SEC62: variants seen among roughly 807,000 people sequenced by gnomAD.
SEC62 encodes translocation protein SEC62.
Under a neutral mutation model 47.5 loss-of-function variants are expected in SEC62, and 10 were observed. The observed-to-expected ratio is 0.21, with a 90% confidence interval of 0.13 to 0.36. The LOEUF is 0.36. SEC62 is among the 10% of genes least tolerant of loss of function. The pLI is 1.00. For missense variants in SEC62, 327 were observed against 464.1 expected (o/e 0.70, Z 2.71); for synonymous variants, 136 against 150.5 (o/e 0.90, Z 0.71).
intron 6 of SEC62, among the ~76,000 whole-genome samples, chr3:169,987,115 G>T (rs1576863306): frequency 6.6e-6 from 1 of 151,986 alleles, no homozygotes; most frequent in East Asian, 1.9e-4. Flanking sequence ...AATATGGTAT[G>T]ATAGGATCCC....
intron 7 of SEC62, among the ~76,000 whole-genome samples, chr3:169,990,268 A>AT (rs897352066): frequency 3.5e-4 from 51 of 147,660 alleles, no homozygotes; most frequent in African/African-American, 9.1e-4. Flanking sequence ...TGCCTAGCTA[A>AT]TTTTTTTTTT....
intron 5 of SEC62, chr3:169,985,052 A>G (rs530530036): frequency 9.9e-5 from 15 of 152,018 alleles, no homozygotes; most frequent in Admixed American, 3.3e-4. Flanking sequence ...ATGATCTTTA[A>G]TAATTGATCT....
chr3:169,998,248 A>G lies in SEC62; in HGVS notation c.*5185A>G, dbSNP rs114388571. The G allele has an allele frequency of 1.9e-3, 285 of 152,356 alleles. 1 individual carries two copies. Among genetic ancestry groups the G allele is most frequent in the African/African-American group, 6.7e-3 (277 of 41,592 alleles). 9.4% of individuals were successfully genotyped at this position (152,356 alleles called of 1,614,324 possible). ...TATTCAAAGGCCAATGATACTTCGCATAATTCAATTTTAATATTATTCACA... is the reference window on the plus strand; with the variant it reads ...TATTCAAAGGCCAATGATACTTCGCGTAATTCAATTTTAATATTATTCACA... On this transcript the variant is annotated 3_prime_UTR_variant, in exon 8 of 8. Transcript: ENST00000337002.
At chr3:169,976,377 A>G (rs2108281896) in intron 2 of SEC62, among the ~76,000 whole-genome samples, 1 of 152,120 alleles carries the variant, frequency 6.6e-6, no homozygotes, top group East Asian at 1.9e-4. Flanking sequence ...CTTAGAAGAA[A>G]AAAAAAACTA....
At chr3:169,988,459 G>T (rs951937270) in intron 7 of SEC62, 100 bp downstream of exon 7, 1 of 1,311,106 alleles carries the variant, frequency 7.6e-7, no homozygotes, top group African/African-American at 1.5e-5. Context: ...ATTAATGGAG[G>T]TAAATCAAGA....
At chr3:169,990,310 G>T in intron 7 of SEC62, among the ~76,000 whole-genome samples, 1 of 151,466 alleles carries the variant, frequency 6.6e-6, no homozygotes, top group East Asian at 1.9e-4. Context: ...TTATGTATTG[G>T]TCACAATTAT....
chr3:169,967,630 A>G lies in SEC62; in HGVS notation c.36+772A>G, dbSNP rs531522399. Reference sequence around the variant, plus strand: ...AATTCCACATGCGTGTCATTTGTGCATTTCTTCCTTGCGATTTTCCCTGGT... The same window carrying G: ...AATTCCACATGCGTGTCATTTGTGCGTTTCTTCCTTGCGATTTTCCCTGGT... On this transcript the variant is annotated intron_variant, in intron 1 of 7. Coordinates refer to ENST00000337002, the MANE Select transcript of SEC62 (RefSeq NM_003262.4). 5.3e-5 allele frequency among the ~76,000 whole-genome samples: 8 copies of G among 152,156 alleles called. No individual in the cohort carries two copies. In the East Asian group the frequency reaches 1.5e-3, roughly 29 times the overall value.
Position 169,988,297 on chromosome 3 carries a change from G to C in SEC62, c.668G>C (p.Gly223Ala). 1 of 1,613,912 alleles carries C rather than the reference G, an allele frequency of 6.2e-7. No individual in the cohort carries two copies. Among genetic ancestry groups the C allele is most frequent in the Non-Finnish European group, 8.5e-7 (1 of 1,179,880 alleles). ...FPLWPAEMRV[G>A]VYYLSVGAGC... ...CTTTGGCCAGCAGAAATGAGAGTAGGTGTTTATTACCTCAGTGTGGGTGCA... is the reference window on the plus strand; with the variant it reads ...CTTTGGCCAGCAGAAATGAGAGTAGCTGTTTATTACCTCAGTGTGGGTGCA... The change falls in exon 7 of 8, where the codon GGT becomes GCT. Residue 223 changes from glycine to alanine, a missense_variant. This residue lies in a region of SEC62 where 99 missense variants were observed against 194.0 expected (regional missense o/e 0.51). Transcript: ENST00000337002.
chr3:169,976,813 A>G (rs1380092156), intron 2 of SEC62, 133 bp from the exon 3 acceptor site: 6 of 496,212 alleles, frequency 1.2e-5, no homozygotes, highest in Non-Finnish European at 2.1e-5. Context: ...TGATCATGTT[A>G]GATTTAGTTT....
intron 3 of SEC62, among the ~76,000 whole-genome samples, chr3:169,978,076 G>A (rs964349893): frequency 1.3e-5 from 2 of 152,048 alleles, no homozygotes; most frequent in Non-Finnish European, 1.5e-5. Flanking sequence ...TCAGGAGATC[G>A]AGACCATTCT....
rs1715289982 is a variant in SEC62, at chr3:169,993,240, T to A, written c.*177T>A. 3 of 580,744 alleles carry A rather than the reference T, an allele frequency of 5.2e-6. No homozygotes were observed. The highest frequency in any genetic ancestry group is 9.1e-6 in the Non-Finnish European group (3 of 331,184). The allele number at this position is 580,744 out of a possible 1,614,324, so 36.0% of individuals were successfully genotyped here. A position where few individuals can be genotyped will look rare whatever the true frequency, so the allele number is the denominator to read the frequency against. On this transcript the variant is annotated 3_prime_UTR_variant, in exon 8 of 8. Coordinates refer to ENST00000337002, the MANE Select transcript of SEC62 (RefSeq NM_003262.4). ...ATTTTATAGAATATTGGCACTATTA[T>A]TGGTACAGTTTAAAGCCATTAATAT...
chr3:169,977,115 C>T, intron 3 of SEC62, 64 bp downstream of exon 3: 2 of 1,050,094 alleles, frequency 1.9e-6, no homozygotes, highest in African/African-American at 1.6e-5. Context: ...AGTCCTGAAG[C>T]TCCTTACATC....
intron 3 of SEC62, among the ~76,000 whole-genome samples, chr3:169,977,631 T>G (rs61255123): frequency 0.011 from 1,651 of 152,310 alleles, 27 homozygotes; most frequent in African/African-American, 0.037. Context: ...ACTTTTGATG[T>G]TAAGTGGTTT....
rs1181325211 is a variant in SEC62 at position 169,994,901 on chromosome 3, G to T, written c.*1838G>T. The T allele has an allele frequency of 6.6e-6, 1 of 152,128 alleles. No homozygotes were observed. The highest frequency in any genetic ancestry group is 1.9e-4 in the East Asian group (1 of 5,200). The allele number at this position is 152,128 out of a possible 1,614,324, so 9.4% of individuals were successfully genotyped here. The stretch of plus-strand genomic sequence containing the variant: ...TGGAGCATGGCCAACAGGAAGGTCA[G>T]CTTCTTACTGATGTGTGTGGATTCT... On this transcript the variant is annotated 3_prime_UTR_variant, in exon 8 of 8. Coordinates refer to ENST00000337002, the MANE Select transcript of SEC62 (RefSeq NM_003262.4).
At chr3:169,981,458 G>A (rs1228095784) in intron 3 of SEC62, among the ~76,000 whole-genome samples, 1 of 152,202 alleles carries the variant, frequency 6.6e-6, no homozygotes, top group African/African-American at 2.4e-5. Context: ...ATGTGCTGGA[G>A]CAGGCACCAG....
At chr3:169,977,400 A>G (rs929895009) in intron 3 of SEC62, among the ~76,000 whole-genome samples, 6 of 152,116 alleles carry the variant, frequency 3.9e-5, no homozygotes, top group East Asian at 1.9e-4. Context: ...AGGAATTCCT[A>G]TTAGCTGTGT....
rs1715260960 is a variant in SEC62 at position 169,992,106 on chromosome 3, C to A, written c.731-488C>A. On this transcript the variant is annotated intron_variant, in intron 7 of 7. Transcript: ENST00000337002. This position sits in a 1 kb window ranked among gnomAD's most constrained non-coding sequence, Gnocchi z 4.0. ...ACACCTTTCATCTCTTTATTTTATT[C>A]TTTTCCTACACCATGATCTTATGAA... Among the ~76,000 whole-genome samples the A allele has an allele frequency of 1.3e-5, 2 of 152,122 alleles. No homozygotes were observed. Among genetic ancestry groups the A allele is most frequent in the Non-Finnish European group, 1.5e-5 (1 of 68,006 alleles).
At chr3:169,973,141 G>A (rs920759465) in intron 1 of SEC62, among the ~76,000 whole-genome samples, 35 of 152,242 alleles carry the variant, frequency 2.3e-4, no homozygotes, top group African/African-American at 7.2e-4. Context: ...GAGGCTCTGC[G>A]AAGTGTAGTG....
chr3:169,973,561 G>T (rs1714755762), intron 1 of SEC62, among the ~76,000 whole-genome samples: 2 of 151,876 alleles, frequency 1.3e-5, no homozygotes, highest in African/African-American at 2.4e-5. Flanking sequence ...TACTCGGGAG[G>T]CTGAGGCATG....
Sources: allele counts gnomAD v4.1 joint callset (sites outside exome capture counted in the v4.1 genomes callset), GRCh38; gene constraint gnomAD v4.1.1; regional missense constraint gnomAD v4.1.1; non-coding constraint Gnocchi (gnomAD v3.1); transcripts MANE v1.5; gene names NCBI Gene and HGNC (gene_info 2026-07-23, HGNC 2026-07-21).